The following SATB2 variants were observed in gnomAD, a reference collection of about 807,000 sequenced individuals.
The protein encoded by SATB2 is DNA-binding protein SATB2.
SATB2 carries 1 observed loss-of-function variant against 73.4 expected under a neutral mutation model. The ratio of observed to expected loss-of-function variants is 0.01; its 90% confidence interval spans 0.00 to 0.06. SATB2 has a LOEUF of 0.06. Ranked by LOEUF, SATB2 falls within the 10% of genes least tolerant of loss-of-function variation. SATB2 has a pLI of 1.00. For synonymous variants in SATB2, 397 were observed against 367.0 expected, an observed-to-expected ratio of 1.08 and a Z score of -0.93; for missense variants, 459 against 945.8, an observed-to-expected ratio of 0.49 and a Z score of 6.75.
chr2:199,334,968 T>G (rs1283486960), intron 7 of SATB2, among the ~76,000 whole-genome samples: 2 of 152,124 alleles, frequency 1.3e-5, no homozygotes, highest in African/African-American at 4.8e-5. Context: ...GTATTCATAA[T>G]CTACAACCCC....
At chr2:199,399,054 T>C (rs1382802150) in intron 3 of SATB2, among the ~76,000 whole-genome samples, 1 of 152,106 alleles carries the variant, frequency 6.6e-6, no homozygotes, top group Non-Finnish European at 1.5e-5. Flanking sequence ...GCAGGTCGCT[T>C]AAGCTCACAA....
rs1318103404 is a variant in SATB2, at chr2:199,349,115, C to T, written c.759G>A (p.Met253Ile). 1 of 1,614,018 alleles carries T rather than the reference C, an allele frequency of 6.2e-7. No homozygotes were observed. Among genetic ancestry groups the T allele is most frequent in the Admixed American group, 1.7e-5 (1 of 59,996 alleles). ...SDYCVLGQRP[M>I]HLPNMNQLAS... ...CCAGCTGGTTCATATTTGGTAAATGCATTGGACGCTGGCCCAGAACACAAT... is the reference window on the plus strand; with the variant it reads ...CCAGCTGGTTCATATTTGGTAAATGTATTGGACGCTGGCCCAGAACACAAT... Residue 253 changes from methionine to isoleucine, a missense_variant, in exon 7 of 11, where the codon ATG becomes ATA. Physicochemically the swap from Met to Ile is conservative, Grantham distance 10. This residue lies in a region of SATB2 where 77 missense variants were observed against 90.4 expected (regional missense o/e 0.85). Transcript: ENST00000417098.
intron 9 of SATB2, among the ~76,000 whole-genome samples, chr2:199,313,418 G>A (rs1037809089): frequency 1.3e-5 from 2 of 152,154 alleles, no homozygotes; most frequent in Non-Finnish European, 2.9e-5. Context: ...TTCAAAGACT[G>A]CTTCCTTGCA....
At chr2:199,422,315 T>G (rs1691196990) in intron 3 of SATB2, among the ~76,000 whole-genome samples, 1 of 151,528 alleles carries the variant, frequency 6.6e-6, no homozygotes, top group South Asian at 2.1e-4. Flanking sequence ...TTTTTTTTTG[T>G]AATTAACAAG....
rs1689785051 is a variant in SATB2 at position 199,381,776 on chromosome 2, C to G, written c.391G>C (p.Val131Leu). 1 of 1,614,004 alleles carries G rather than the reference C, an allele frequency of 6.2e-7. No individual in the cohort carries two copies. Among genetic ancestry groups the G allele is most frequent in the African/African-American group, 1.3e-5 (1 of 74,928 alleles). ...ACTGTCGCGTCGGGTGCATCTGTCACATAACTGAGGGGGAGAGGGTTCCAC... is the reference window on the plus strand; with the variant it reads ...ACTGTCGCGTCGGGTGCATCTGTCAGATAACTGAGGGGGAGAGGGTTCCAC... ...GRWNPLPLSY[V>L]TDAPDATVAD... Residue 131 changes from valine to leucine, a missense_variant, in exon 4 of 11, where the codon GTG becomes CTG. By Grantham distance (32) the Val-to-Leu change is conservative. Transcript: ENST00000417098.
chr2:199,301,899 C>T (rs1687299155), intron 10 of SATB2, among the ~76,000 whole-genome samples: 1 of 152,024 alleles, frequency 6.6e-6, no homozygotes. Context: ...TTCAGGATGG[C>T]AAAGGAGAAG....
At chr2:199,407,169 A>G (rs2105898743) in intron 3 of SATB2, among the ~76,000 whole-genome samples, 1 of 151,776 alleles carries the variant, frequency 6.6e-6, no homozygotes, top group East Asian at 1.9e-4. Flanking sequence ...AAAAATACAA[A>G]AAAATTATCA....
chr2:199,425,621 T>C (rs1691304548), intron 3 of SATB2, among the ~76,000 whole-genome samples: 1 of 152,000 alleles, frequency 6.6e-6, no homozygotes, highest in East Asian at 1.9e-4. Flanking sequence ...CAAGTTAGAG[T>C]CTTCACCCTC....
At chr2:199,415,754 G>A (rs1014361672) in intron 3 of SATB2, among the ~76,000 whole-genome samples, 3 of 152,186 alleles carry the variant, frequency 2.0e-5, no homozygotes, top group African/African-American at 7.2e-5. Flanking sequence ...GCCACGCAAA[G>A]CTCTACGATT....
chr2:199,305,203 G>A (rs988353901), intron 10 of SATB2, among the ~76,000 whole-genome samples: 1 of 152,100 alleles, frequency 6.6e-6, no homozygotes, highest in Non-Finnish European at 1.5e-5. Flanking sequence ...CAGGGACCAG[G>A]GCAGCAGGAC....
chr2:199,387,542 T>C (rs1690000100), intron 3 of SATB2, among the ~76,000 whole-genome samples: 1 of 152,240 alleles, frequency 6.6e-6, no homozygotes, highest in Non-Finnish European at 1.5e-5. Context: ...AAGGAATTTG[T>C]CATCTGCAAA....
intron 9 of SATB2, among the ~76,000 whole-genome samples, chr2:199,315,690 C>T (rs1471774251): frequency 6.6e-6 from 1 of 152,082 alleles, no homozygotes; most frequent in Non-Finnish European, 1.5e-5. Flanking sequence ...AGAACAAATA[C>T]AAACTAGAAC....
Position 199,272,049 on chromosome 2 carries a change from T to C in SATB2, c.*162A>G. Reference sequence around the variant, plus strand: ...AGGTGTATCCTGTGCAACAAAGAAATGTCCAAAAGGGTAAGAAAAACAAAA... The same window carrying C: ...AGGTGTATCCTGTGCAACAAAGAAACGTCCAAAAGGGTAAGAAAAACAAAA... On this transcript the variant is annotated 3_prime_UTR_variant, in exon 11 of 11. Coordinates refer to ENST00000417098, the MANE Select transcript of SATB2 (RefSeq NM_001172509.2). The surrounding 1 kb of genome is among the most constrained non-coding windows in gnomAD (Gnocchi z 6.7). 6 of 701,658 alleles carry C rather than the reference T, an allele frequency of 8.6e-6. No homozygotes were observed. Among genetic ancestry groups the C allele is most frequent in the Middle Eastern group, 3.9e-4 (1 of 2,572 alleles). The allele number at this position is 701,658 out of a possible 1,614,324, so 43.5% of individuals were successfully genotyped here.
chr2:199,288,151 G>A (rs1057037005), intron 10 of SATB2, among the ~76,000 whole-genome samples: 1 of 152,068 alleles, frequency 6.6e-6, no homozygotes, highest in African/African-American at 2.4e-5. Flanking sequence ...TACTTTATGG[G>A]GAAGTTTCTC....
At chr2:199,411,220 G>GA (rs1208795404) in intron 3 of SATB2, among the ~76,000 whole-genome samples, 212 of 127,772 alleles carry the variant, frequency 1.7e-3, no homozygotes, top group Admixed American at 3.9e-3. Context: ...CCAGAAAAAA[G>GA]AAAAAAAAAA....
At chr2:199,369,278 AT>A (rs1689374566) in intron 5 of SATB2, among the ~76,000 whole-genome samples, 1 of 152,172 alleles carries the variant, frequency 6.6e-6, no homozygotes, top group African/African-American at 2.4e-5. Context: ...CTGTGTTTCA[AT>A]AAAAAATGAA....
Position 199,367,294 on chromosome 2 carries a change from C to T in SATB2, c.700+1311G>A, listed in dbSNP as rs73986411. 2.5e-3 allele frequency among the ~76,000 whole-genome samples: 380 copies of T among 152,208 alleles called. 4 individuals are homozygous for T. The highest frequency in any genetic ancestry group is 7.7e-3 in the African/African-American group (320 of 41,562). The stretch of plus-strand genomic sequence containing the variant: ...AGCATTTGCCCAAACCAGGATCTAA[C>T]GGGTCCTAAGAATTTTAGAGTCTGT... On this transcript the variant is annotated intron_variant, in intron 6 of 10. Coordinates refer to ENST00000417098, the MANE Select transcript of SATB2 (RefSeq NM_001172509.2).
At chr2:199,368,502 A>C in intron 6 of SATB2, 103 bp downstream of exon 6, 1 of 742,502 alleles carries the variant, frequency 1.3e-6, no homozygotes, top group Non-Finnish European at 2.4e-6. Flanking sequence ...TTGTAAAAAA[A>C]TTACGTAAAT....
Position 199,328,699 on chromosome 2 carries a change from T to G in SATB2, c.1385A>C (p.Gln462Pro), listed in dbSNP as rs1688100855. 2 of 1,612,332 alleles carry G rather than the reference T, an allele frequency of 1.2e-6. No individual in the cohort carries two copies. Among genetic ancestry groups the G allele is most frequent in the Non-Finnish European group, 1.7e-6 (2 of 1,179,440 alleles). Residue 462 changes from glutamine to proline, a missense_variant and splice_region_variant, in exon 8 of 11, where the codon CAG becomes CCG. Gln to Pro is a moderately conservative substitution (Grantham distance 76). This residue lies in a region of SATB2 where 53 missense variants were observed against 70.5 expected (regional missense o/e 0.75). Transcript: ENST00000417098. Reference sequence around the variant, plus strand: ...AAATACGGAAAGCAAGTTTCTCACCTGAGGGGTTCGGGAGGAGCTGGGACT... The same window carrying G: ...AAATACGGAAAGCAAGTTTCTCACCGGAGGGGTTCGGGAGGAGCTGGGACT... The part of the protein sequence containing the change: ...SSSPSSSRTP[Q>P]AKTSTPTTDL...
Sources: allele counts gnomAD v4.1 joint callset (sites outside exome capture counted in the v4.1 genomes callset), GRCh38; gene constraint gnomAD v4.1.1; regional missense constraint gnomAD v4.1.1; non-coding constraint Gnocchi (gnomAD v3.1); transcripts MANE v1.5; gene names NCBI Gene and HGNC (gene_info 2026-07-23, HGNC 2026-07-21).